Variants in DOCK2 observed in about 807,000 individuals in gnomAD.
DOCK2 encodes the protein dedicator of cytokinesis 2, also known as dedicator of cytokinesis protein 2.
A neutral mutation model predicts 248.9 loss-of-function variants in DOCK2; 87 were observed. The ratio of observed to expected loss-of-function variants is 0.35; its 90% CI spans 0.29 to 0.42. The LOEUF (loss-of-function observed/expected upper bound fraction) is 0.42. Ranked by LOEUF, DOCK2 falls within the 10% of genes least tolerant of loss-of-function variation. DOCK2 has a pLI of 1.00. For synonymous variants in DOCK2, 805 were observed against 821.6 expected (o/e 0.98, Z 0.35); for missense variants, 1,747 against 2,300.2 (o/e 0.76, Z 4.92).
intron 27 of DOCK2, among the ~76,000 whole-genome samples, chr5:169,963,020 C>T (rs1777155308): frequency 6.6e-6 from 1 of 152,170 alleles, no homozygotes; most frequent in Non-Finnish European, 1.5e-5. Context: ...CATTTTGATG[C>T]TTAAGTGGGG....
intron 32 of DOCK2, among the ~76,000 whole-genome samples, chr5:170,012,944 T>G (rs1755359100): frequency 6.6e-6 from 1 of 151,930 alleles, no homozygotes; most frequent in Admixed American, 6.6e-5. Context: ...CCATTACTGT[T>G]TAAGCGTCTA....
At chr5:169,782,866 T>A (rs1172906853) in intron 25 of DOCK2, among the ~76,000 whole-genome samples, 2 of 151,348 alleles carry the variant, frequency 1.3e-5, no homozygotes, top group Non-Finnish European at 2.9e-5. Flanking sequence ...AAATTCCACA[T>A]GTGATAGTTG....
intron 27 of DOCK2, among the ~76,000 whole-genome samples, chr5:169,876,063 C>G (rs1189201856): frequency 6.6e-6 from 1 of 152,194 alleles, no homozygotes; most frequent in Non-Finnish European, 1.5e-5. Flanking sequence ...CCTTCTCTCA[C>G]TTTTGGGGTC....
At position 170,079,102 on chromosome 5, in the gene DOCK2, G is replaced by A; in HGVS notation, c.5122G>A (p.Val1708Ile). Residue 1708 changes from valine (V) to isoleucine (I), a missense_variant, in exon 49 of 52, where the codon GTT becomes ATT. Physicochemically the swap from Val to Ile is conservative, Grantham distance 29. Around this residue, in one of 4 missense-constraint regions of DOCK2, gnomAD observed 513 missense variants for 586.1 expected, o/e 0.88. Coordinates refer to ENST00000520908, the MANE Select transcript of DOCK2 (RefSeq NM_004946.3). Reference sequence around the variant, plus strand: ...GAAGAGGACAAAGAGAAGCAGCGTAGTTTTTGCGGATGAGAAAGCAGCTGC... The same window carrying A: ...GAAGAGGACAAAGAGAAGCAGCGTAATTTTTGCGGATGAGAAAGCAGCTGC... ...SKKRTKRSSV[V>I]FADEKAAAES... The A allele has an allele frequency of 6.2e-7, 1 of 1,614,104 alleles. No homozygotes were observed. Among genetic ancestry groups the A allele is most frequent in the Non-Finnish European group, 8.5e-7 (1 of 1,180,028 alleles).
At chr5:169,878,406 G>C (rs1283537574) in intron 27 of DOCK2, among the ~76,000 whole-genome samples, 1 of 152,260 alleles carries the variant, frequency 6.6e-6, no homozygotes, top group East Asian at 1.9e-4. Context: ...TGGAAATGCA[G>C]ACCTGCATCA....
chr5:169,778,650 G>A (rs923632932), intron 25 of DOCK2, among the ~76,000 whole-genome samples: 1 of 152,182 alleles, frequency 6.6e-6, no homozygotes, highest in Non-Finnish European at 1.5e-5. Flanking sequence ...ACGAAGGATT[G>A]TATATGCGTG....
chr5:170,047,217 G>C (rs888135142), intron 39 of DOCK2, among the ~76,000 whole-genome samples: 1 of 152,102 alleles, frequency 6.6e-6, no homozygotes, highest in Non-Finnish European at 1.5e-5. Context: ...CATGCTTACT[G>C]GCTGCTTTAC....
chr5:169,840,759 CTT>C lies in DOCK2; in HGVS notation c.2707_2708del (p.Phe903HisfsTer31). The C allele has an allele frequency of 6.2e-7, 1 of 1,613,800 alleles. No homozygotes were observed. The highest frequency in any genetic ancestry group is 1.1e-5 in the South Asian group (1 of 91,066). ...AGATGTCTCTGACTGTTTTACAGGC[CTT>C]CACCTACCACCATATCCAGGAGATC... Reference protein sequence around the residue: ...LEVLSYQDAAFTYHHIQEIMV... With the variant: ...LEVLSYQDAAXTYHHIQEIMV... On this transcript the variant is annotated frameshift_variant, in exon 27 of 52. Transcript: ENST00000520908. LOFTEE classifies it high-confidence loss of function.
chr5:170,028,622 G>A (rs1371873080), intron 34 of DOCK2: 1 of 153,430 alleles, frequency 6.5e-6, no homozygotes, highest in African/African-American at 2.4e-5. Context: ...TACCCAAAGT[G>A]TACAATCATT....
chr5:169,836,345 T>A (rs894039673), intron 26 of DOCK2, among the ~76,000 whole-genome samples: 1 of 152,214 alleles, frequency 6.6e-6, no homozygotes, highest in Admixed American at 6.5e-5. Context: ...TCATTAGGTA[T>A]AAAACAGGTA....
chr5:170,080,463 G>A lies in DOCK2; in HGVS notation c.5287+180G>A, dbSNP rs574201760. ...TCTCCCCACACCCACCACTTCCTGGGGGTGACACCATCCCAGCAAGCTCCA... is the reference window on the plus strand; with the variant it reads ...TCTCCCCACACCCACCACTTCCTGGAGGTGACACCATCCCAGCAAGCTCCA... On this transcript the variant is annotated intron_variant, in intron 50 of 51. Transcript: ENST00000520908. 5.3e-5 allele frequency: 50 copies of A among 940,008 alleles called. No individual in the cohort carries two copies. The Admixed American group carries it at 6.4e-4, about 12-fold the overall frequency. The allele number at this position is 940,008 out of a possible 1,614,324, so 58.2% of individuals were successfully genotyped here. A position where few individuals can be genotyped will look rare whatever the true frequency, so the allele number is the denominator to read the frequency against.
intron 47 of DOCK2, 64 bp downstream of exon 47, chr5:170,076,148 G>A (rs1757832029): frequency 6.4e-7 from 1 of 1,571,024 alleles, no homozygotes; most frequent in Admixed American, 1.8e-5. Context: ...GAAGCATGCT[G>A]GAGGCTGAAG....
chr5:170,007,160 G>A (rs1755063275), intron 30 of DOCK2, among the ~76,000 whole-genome samples: 1 of 152,158 alleles, frequency 6.6e-6, no homozygotes, highest in South Asian at 2.1e-4. Flanking sequence ...TCATAGTCTT[G>A]GCCATCTGCA....
intron 25 of DOCK2, among the ~76,000 whole-genome samples, chr5:169,795,256 G>A (rs989831308): frequency 1.1e-4 from 17 of 152,090 alleles, no homozygotes; most frequent in African/African-American, 3.9e-4. Context: ...TTTTCCTTAA[G>A]GATTTACCGC....
At chr5:169,999,509 TAA>T (rs1268554943) in intron 30 of DOCK2, among the ~76,000 whole-genome samples, 1 of 152,208 alleles carries the variant, frequency 6.6e-6, no homozygotes, top group Non-Finnish European at 1.5e-5. Context: ...CAGTCCTTGA[TAA>T]ACAGGACAGG....
rs189159893 is a variant in DOCK2 at position 170,020,785 on chromosome 5, C to T, written c.3381+1677C>T. Reference sequence around the variant, plus strand: ...CTGATTGGTATCTGCTAGAGCAGTGCTTTCCCTAAATATGTCCATGAAGCA... The same window carrying T: ...CTGATTGGTATCTGCTAGAGCAGTGTTTTCCCTAAATATGTCCATGAAGCA... On this transcript the variant is annotated intron_variant, in intron 33 of 51. Transcript: ENST00000520908. Among the ~76,000 whole-genome samples the T allele has an allele frequency of 5.0e-4, 76 of 152,326 alleles. 2 individuals carry two copies. The highest frequency in any genetic ancestry group is 1.7e-3 in the African/African-American group (70 of 41,578).
intron 27 of DOCK2, among the ~76,000 whole-genome samples, chr5:169,982,785 A>G (rs1005527858): frequency 1.2e-4 from 18 of 152,226 alleles, no homozygotes; most frequent in African/African-American, 3.6e-4. Flanking sequence ...GGACTTACAC[A>G]TGTAAAATTA....
At chr5:169,921,070 TAAAGAG>T (rs1256200374) in intron 27 of DOCK2, among the ~76,000 whole-genome samples, 2 of 152,230 alleles carry the variant, frequency 1.3e-5, no homozygotes, top group Admixed American at 6.5e-5. Flanking sequence ...GAAATTCTTT[TAAAGAG>T]TCTCAATCCC....
intron 25 of DOCK2, among the ~76,000 whole-genome samples, chr5:169,766,948 GT>G (rs1469479844): frequency 6.6e-6 from 1 of 152,046 alleles, no homozygotes; most frequent in Non-Finnish European, 1.5e-5. Flanking sequence ...TAGAGACGGG[GT>G]TTCACCATGC....
Sources: gnomAD v4.1 joint callset for allele counts (sites outside exome capture counted in the v4.1 genomes callset) on GRCh38, gnomAD v4.1.1 for gene constraint, gnomAD v4.1.1 regional missense constraint, MANE v1.5 for transcripts, NCBI Gene and HGNC (gene_info 2026-07-23, HGNC 2026-07-21) for gene names.